The following EHHADH variants were observed in gnomAD, a reference collection of about 807,000 sequenced individuals.
The protein encoded by EHHADH is enoyl-CoA hydratase and 3-hydroxyacyl CoA dehydrogenase.
Under a neutral mutation model 64.4 loss-of-function variants are expected in EHHADH, and 48 were observed. That is an observed-to-expected ratio of 0.75 (90% CI 0.59 to 0.95). EHHADH has a LOEUF of 0.95. EHHADH is among the 40% of genes least tolerant of loss of function. The pLI is 0.00. For synonymous variants in EHHADH, 308 were observed against 326.7 expected, an observed-to-expected ratio of 0.94 and a Z score of 0.62; for missense variants, 854 against 876.6, an observed-to-expected ratio of 0.97 and a Z score of 0.33.
At chr3:185,240,224 G>GTT (rs200285783) in intron 2 of EHHADH, among the ~76,000 whole-genome samples, 6 of 124,984 alleles carry the variant, frequency 4.8e-5, no homozygotes, top group Middle Eastern at 3.6e-3. Flanking sequence ...TTTAGTTTTT[G>GTT]TTTTTTTTTT....
intron 2 of EHHADH, among the ~76,000 whole-genome samples, chr3:185,236,713 AGTCCAGT>A (rs1357959800): frequency 6.6e-6 from 1 of 152,090 alleles, no homozygotes; most frequent in African/African-American, 2.4e-5. Flanking sequence ...TTCACTCTCT[AGTCCAGT>A]GTTTTGTTTC....
At chr3:185,218,375 C>T (rs1714054609) in intron 4 of EHHADH, 135 bp from the exon 5 acceptor site, 1 of 498,132 alleles carries the variant, frequency 2.0e-6, no homozygotes, top group African/African-American at 2.0e-5. Context: ...TAAGTAAGAA[C>T]CACACTCACT....
chr3:185,253,722 C>T, intron 1 of EHHADH: 1 of 1,006,986 alleles, frequency 9.9e-7, no homozygotes, highest in Non-Finnish European at 1.3e-6. Flanking sequence ...AAAACGGGGA[C>T]GAGAGTTCCC....
At chr3:185,204,281 G>T in intron 6 of EHHADH, 135 bp downstream of exon 6, 1 of 739,586 alleles carries the variant, frequency 1.4e-6, no homozygotes, top group Non-Finnish European at 2.1e-6. Context: ...GAGCTCATGG[G>T]GTGGTGTGAG....
At chr3:185,211,907 G>A (rs995787005) in intron 5 of EHHADH, among the ~76,000 whole-genome samples, 15 of 152,198 alleles carry the variant, frequency 9.9e-5, no homozygotes, top group African/African-American at 3.4e-4. Context: ...GGCAGAATTA[G>A]AATTGTTAAA....
At chr3:185,197,899 C>T (rs28866576) in intron 6 of EHHADH, among the ~76,000 whole-genome samples, 4 of 151,922 alleles carry the variant, frequency 2.6e-5, no homozygotes, top group African/African-American at 4.8e-5. Flanking sequence ...TGGGTTCAAG[C>T]GATTCTCCTG....
intron 2 of EHHADH, among the ~76,000 whole-genome samples, chr3:185,237,323 T>C (rs1028179851): frequency 3.3e-5 from 5 of 152,214 alleles, no homozygotes; most frequent in African/African-American, 1.2e-4. Context: ...TGAAGTTTTG[T>C]TTCTTCTTTT....
At chr3:185,203,946 C>T (rs1298373650) in intron 6 of EHHADH, among the ~76,000 whole-genome samples, 1 of 151,912 alleles carries the variant, frequency 6.6e-6, no homozygotes, top group Non-Finnish European at 1.5e-5. Context: ...TCGAGACCAG[C>T]CTGACCAACA....
At chr3:185,220,481 T>C (rs1718802738) in intron 4 of EHHADH, among the ~76,000 whole-genome samples, 1 of 152,222 alleles carries the variant, frequency 6.6e-6, no homozygotes, top group Non-Finnish European at 1.5e-5. Flanking sequence ...CCATACCATA[T>C]AGCCTAGGTG....
intron 5 of EHHADH, among the ~76,000 whole-genome samples, chr3:185,212,831 C>A (rs1331771334): frequency 6.6e-6 from 1 of 151,974 alleles, no homozygotes; most frequent in Non-Finnish European, 1.5e-5. Flanking sequence ...ATCTTTAAGA[C>A]TATAGCAGCT....
chr3:185,247,707 G>A (rs1719632835), intron 2 of EHHADH, among the ~76,000 whole-genome samples: 1 of 151,954 alleles, frequency 6.6e-6, no homozygotes, highest in South Asian at 2.1e-4. Context: ...AATTTCTCTG[G>A]CTACAGTAAG....
intron 4 of EHHADH, among the ~76,000 whole-genome samples, chr3:185,222,776 C>T (rs2108640111): frequency 6.6e-6 from 1 of 152,312 alleles, no homozygotes; most frequent in African/African-American, 2.4e-5. Context: ...CCCTGGACCA[C>T]ACTTTAAGAA....
intron 4 of EHHADH, among the ~76,000 whole-genome samples, chr3:185,219,056 T>A (rs11712070): frequency 0.015 from 2,339 of 151,606 alleles, 61 homozygotes; most frequent in African/African-American, 0.053. Flanking sequence ...AGAGAAAATT[T>A]AAAAAAAAGA....
chr3:185,241,415 C>G lies in EHHADH; in HGVS notation c.179-5953G>C, dbSNP rs551321157. Among the ~76,000 whole-genome samples the G allele has an allele frequency of 3.9e-5, 6 of 152,336 alleles. 1 individual carries two copies. The highest frequency in any genetic ancestry group is 1.4e-4 in the African/African-American group (6 of 41,576). On this transcript the variant is annotated intron_variant, in intron 2 of 6. Transcript: ENST00000231887. ...GTAGTTGTACTAGTTTACATTCCCA[C>G]CAGCAATGTACAAGTGTTTCCTTTT...
intron 2 of EHHADH, among the ~76,000 whole-genome samples, chr3:185,246,703 CATT>C (rs1454389608): frequency 3.3e-5 from 5 of 152,172 alleles, no homozygotes; most frequent in Non-Finnish European, 5.9e-5. Flanking sequence ...AAAAAACTAA[CATT>C]GTTGTTCCTC....
In EHHADH at chr3:185,238,681, T is replaced by C. The variant is rs1449567158; in HGVS notation, c.179-3219A>G. ...CTTGTTGAGTTGTTTGAGTTCCTTATAGATTCCAGATATTAGTCCTTTGTC... is the reference window on the plus strand; with the variant it reads ...CTTGTTGAGTTGTTTGAGTTCCTTACAGATTCCAGATATTAGTCCTTTGTC... On this transcript the variant is annotated intron_variant, in intron 2 of 6. Transcript: ENST00000231887. Among the ~76,000 whole-genome samples the C allele has an allele frequency of 7.9e-5, 12 of 152,250 alleles. No individual in the cohort carries two copies. The South Asian group carries it at 2.1e-3, about 26-fold the overall frequency.
intron 6 of EHHADH, among the ~76,000 whole-genome samples, chr3:185,194,715 T>C (rs1264164948): frequency 7.0e-6 from 1 of 143,532 alleles, no homozygotes; most frequent in Non-Finnish European, 1.5e-5. Context: ...CAGGAGGATA[T>C]CTTGAGCCCA....
At chr3:185,207,956 C>T (rs1268068388) in intron 5 of EHHADH, among the ~76,000 whole-genome samples, 1 of 152,128 alleles carries the variant, frequency 6.6e-6, no homozygotes, top group Non-Finnish European at 1.5e-5. Context: ...ATGTGAATGG[C>T]TAATATGCAC....
chr3:185,202,943 C>T (rs566071636), intron 6 of EHHADH, among the ~76,000 whole-genome samples: 33 of 147,138 alleles, frequency 2.2e-4, no homozygotes, highest in Non-Finnish European at 3.6e-4. Flanking sequence ...AAATGTAGAT[C>T]TCATAATGAT....
Sources: gnomAD v4.1 joint callset for allele counts (sites outside exome capture counted in the v4.1 genomes callset) on GRCh38, gnomAD v4.1.1 for gene constraint, MANE v1.5 for transcripts, NCBI Gene and HGNC (gene_info 2026-07-23, HGNC 2026-07-21) for gene names.